LHFPL1: variants seen among roughly 807,000 people sequenced by gnomAD.
LHFPL1 encodes LHFPL tetraspan subfamily member 1 protein.
LHFPL1 carries 4 observed loss-of-function variants against 12.1 expected under a neutral mutation model. The ratio of observed to expected loss-of-function variants is 0.33; its 90% CI spans 0.16 to 0.76. The LOEUF (loss-of-function observed/expected upper bound fraction) is 0.76. LHFPL1 is among the 30% of genes least tolerant of loss of function. The probability of loss-of-function intolerance (pLI) is 0.61; values close to 1 mark genes in which losing one functional copy is unlikely to be tolerated. For synonymous variants in LHFPL1, 52 were observed against 61.9 expected, an observed-to-expected ratio of 0.84 and a Z score of 0.75; for missense variants, 141 against 174.1, an observed-to-expected ratio of 0.81 and a Z score of 1.07.
intron 3 of LHFPL1, among the ~76,000 whole-genome samples, chrX:112,658,060 T>G (rs1419772585): frequency 1.8e-5 from 2 of 111,206 alleles, no homozygotes; most frequent in Non-Finnish European, 3.8e-5. Flanking sequence ...GGGTCTTGTA[T>G]CCAGAACACA....
intron 2 of LHFPL1, among the ~76,000 whole-genome samples, chrX:112,663,966 G>A (rs1931260622): frequency 9.0e-6 from 1 of 111,562 alleles, no homozygotes; most frequent in Non-Finnish European, 1.9e-5. Flanking sequence ...CTTGTCCCTC[G>A]GTATTCACAG....
chrX:112,637,817 G>T (rs1930389065), intron 3 of LHFPL1, among the ~76,000 whole-genome samples: 4 of 111,812 alleles, frequency 3.6e-5, no homozygotes, highest in Non-Finnish European at 5.6e-5. Context: ...AAATGTAATG[G>T]AACCTTCAGA....
chrX:112,651,502 T>A (rs1039445256), intron 3 of LHFPL1, among the ~76,000 whole-genome samples: 1 of 111,657 alleles, frequency 9.0e-6, no homozygotes, highest in African/African-American at 3.3e-5. Context: ...TCCACTTGGA[T>A]TTCTCACACA....
rs989277735 is a variant in LHFPL1, at chrX:112,646,247, C to A, written c.481+14380G>T. ...GGTAGAGTGGACACCAAGGGAGTCCCGGGACAGCAAGGGACCTGGAAGAAG... is the reference window on the plus strand; with the variant it reads ...GGTAGAGTGGACACCAAGGGAGTCCAGGGACAGCAAGGGACCTGGAAGAAG... On this transcript the variant is annotated intron_variant, in intron 3 of 3. Coordinates refer to ENST00000371968, the MANE Select transcript of LHFPL1 (RefSeq NM_178175.4). Among the ~76,000 whole-genome samples, 3 of 104,534 alleles carry A rather than the reference C, an allele frequency of 2.9e-5. No homozygotes were observed. In the South Asian group the frequency reaches 1.4e-3, roughly 48 times the overall value. The allele number at this position is 104,534 out of a possible 115,157, so 90.8% of individuals were successfully genotyped here. A position where few individuals can be genotyped will look rare whatever the true frequency, so the allele number is the denominator to read the frequency against.
At chrX:112,636,429 C>T (rs545987882) in intron 3 of LHFPL1, among the ~76,000 whole-genome samples, 6 of 112,169 alleles carry the variant, frequency 5.3e-5, no homozygotes, top group Non-Finnish European at 9.4e-5. Context: ...TAGACAAACA[C>T]CAGATATTTA....
chrX:112,665,758 G>A (rs1002831571), intron 2 of LHFPL1, among the ~76,000 whole-genome samples: 1 of 111,153 alleles, frequency 9.0e-6, no homozygotes, highest in Non-Finnish European at 1.9e-5. Flanking sequence ...GAGGGCTGGA[G>A]TTAGACATTT....
chrX:112,652,256 T>C (rs1487453612), intron 3 of LHFPL1, among the ~76,000 whole-genome samples: 1 of 112,289 alleles, frequency 8.9e-6, no homozygotes. Flanking sequence ...TCAGAACATC[T>C]ACCATTTTTA....
rs1931486932 is a variant in LHFPL1 at position 112,671,179 on chromosome X, G to A, written c.212C>T (p.Ala71Val). ...LIMVEECGRY[A>V]SFNAIPSLAW... Reference sequence around the variant, plus strand: ...CAGGCTTGGGATGGCATTGAAGCTGGCATAGCGCCCACATTCTTCCACCAT... The same window carrying A: ...CAGGCTTGGGATGGCATTGAAGCTGACATAGCGCCCACATTCTTCCACCAT... Residue 71 changes from alanine to valine, a missense_variant, in exon 2 of 4, where the codon GCC (alanine) becomes GTC (valine). Ala to Val is a moderately conservative substitution (Grantham distance 64). Transcript: ENST00000371968. 8.3e-7 allele frequency: 1 copy of A among 1,210,708 alleles called. No homozygotes were observed. Among genetic ancestry groups the A allele is most frequent in the African/African-American group, 1.7e-5 (1 of 57,345 alleles).
chrX:112,679,195 AC>A (rs1052835368), intron 1 of LHFPL1, among the ~76,000 whole-genome samples: 3 of 111,164 alleles, frequency 2.7e-5, no homozygotes, highest in Non-Finnish European at 5.7e-5. Flanking sequence ...GTTCCCCACC[AC>A]AAAATGAAAC....
chrX:112,631,962 T>C (rs1275618154), intron 3 of LHFPL1, among the ~76,000 whole-genome samples: 1 of 111,714 alleles, frequency 9.0e-6, no homozygotes, highest in Non-Finnish European at 1.9e-5. Flanking sequence ...ATCATTACAG[T>C]AATTATATGA....
At chrX:112,640,340 G>A (rs1930465882) in intron 3 of LHFPL1, among the ~76,000 whole-genome samples, 1 of 111,268 alleles carries the variant, frequency 9.0e-6, no homozygotes, top group Non-Finnish European at 1.9e-5. Flanking sequence ...AGCTAGGTAA[G>A]GAAGGGAAGA....
chrX:112,674,500 C>A (rs1931600850), intron 1 of LHFPL1, among the ~76,000 whole-genome samples: 1 of 110,523 alleles, frequency 9.0e-6, no homozygotes, highest in Non-Finnish European at 1.9e-5. Flanking sequence ...GCAGAGTAAG[C>A]AGACAACCCA....
intron 1 of LHFPL1, among the ~76,000 whole-genome samples, chrX:112,674,776 T>C (rs1931611590): frequency 9.0e-6 from 1 of 111,273 alleles, no homozygotes. Context: ...AATCAAAAAA[T>C]CAAAAAACAG....
At chrX:112,656,316 T>C (rs1930998510) in intron 3 of LHFPL1, among the ~76,000 whole-genome samples, 1 of 111,384 alleles carries the variant, frequency 9.0e-6, no homozygotes, top group Non-Finnish European at 1.9e-5. Flanking sequence ...CCAACACCCT[T>C]TCATTGTGAA....
At chrX:112,648,620 T>C (rs1170211082) in intron 3 of LHFPL1, 1 of 111,843 alleles carries the variant, frequency 8.9e-6, no homozygotes, top group African/African-American at 3.2e-5. Context: ...ACTTAAAGTA[T>C]TAAAAAAAAC....
At chrX:112,641,625 C>A (rs1251098744) in intron 3 of LHFPL1, among the ~76,000 whole-genome samples, 1 of 112,455 alleles carries the variant, frequency 8.9e-6, no homozygotes, top group Non-Finnish European at 1.9e-5. Flanking sequence ...AAAGATGACA[C>A]ATACAAAGCA....
At chrX:112,649,735 A>G (rs1333477762) in intron 3 of LHFPL1, among the ~76,000 whole-genome samples, 1 of 112,071 alleles carries the variant, frequency 8.9e-6, no homozygotes, top group Non-Finnish European at 1.9e-5. Flanking sequence ...TGGCTTTGAT[A>G]AAATATATTA....
rs182631724 is a variant in LHFPL1 at position 112,643,013 on chromosome X, T to C, written c.482-11412A>G. Among the ~76,000 whole-genome samples the C allele has an allele frequency of 2.3e-3, 249 of 106,966 alleles. 1 individual carries two copies. The highest frequency in any genetic ancestry group is 8.3e-3 in the African/African-American group (242 of 29,163). 92.9% of individuals were successfully genotyped at this position (106,966 alleles called of 115,157 possible). A position where few individuals can be genotyped will look rare whatever the true frequency, so the allele number is the denominator to read the frequency against. The stretch of plus-strand genomic sequence containing the variant: ...TGTTGTCATGTTATGGCCAAAACAA[T>C]TTTGGAAGGTAGGTATATTAGTCCA... On this transcript the variant is annotated intron_variant, in intron 3 of 3. Transcript: ENST00000371968.
intron 3 of LHFPL1, among the ~76,000 whole-genome samples, chrX:112,645,936 G>A (rs1205978255): frequency 9.0e-6 from 1 of 111,386 alleles, no homozygotes; most frequent in East Asian, 2.8e-4. Context: ...TTGCCATTAA[G>A]CAGCATCTAC....
Sources: gnomAD v4.1 joint callset for allele counts (sites outside exome capture counted in the v4.1 genomes callset) on GRCh38, gnomAD v4.1.1 for gene constraint, MANE v1.5 for transcripts, NCBI Gene and HGNC (gene_info 2026-07-23, HGNC 2026-07-21) for gene names.